The following PRDM10 variants were observed in gnomAD, a reference collection of about 807,000 sequenced individuals.
The protein encoded by PRDM10 is PR/SET domain 10.
In PRDM10, 65 loss-of-function variants were observed where a neutral mutation model predicts 133.1. The observed-to-expected ratio is 0.49, with a 90% CI of 0.40 to 0.60. The LOEUF (loss-of-function observed/expected upper bound fraction) is 0.60, where lower values mean the gene tolerates loss of function less well. Among genes scored for constraint, PRDM10 ranks in the 20% least tolerant of loss-of-function variants. The pLI, the probability that PRDM10 is intolerant of heterozygous loss-of-function variation, is 0.00. For missense variants in PRDM10, 1,137 were observed against 1,507.1 expected, an observed-to-expected ratio of 0.75 and a Z score of 4.07; for synonymous variants, 582 against 580.4, an observed-to-expected ratio of 1.00 and a Z score of -0.04.
intron 1 of PRDM10, among the ~76,000 whole-genome samples, chr11:129,973,977 C>T (rs1037104372): frequency 3.3e-5 from 5 of 152,230 alleles, no homozygotes; most frequent in South Asian, 2.1e-4. Flanking sequence ...ATTCCCAGCG[C>T]GCTCAGCAGT....
chr11:129,930,026 G>A (rs1591615510), intron 11 of PRDM10, among the ~76,000 whole-genome samples: 1 of 152,186 alleles, frequency 6.6e-6, no homozygotes, highest in Non-Finnish European at 1.5e-5. Context: ...TTTAGCCTCA[G>A]TTCTTAGAGC....
chr11:129,955,450 GC>G, intron 4 of PRDM10, 61 bp downstream of exon 4: 1 of 1,502,450 alleles, frequency 6.7e-7, no homozygotes, highest in Non-Finnish European at 9.3e-7. Context: ...AAGGGATGGG[GC>G]ATTCCAGGCG....
chr11:129,908,453 C>G (rs1014927557), intron 19 of PRDM10, among the ~76,000 whole-genome samples: 3 of 152,182 alleles, frequency 2.0e-5, no homozygotes, highest in Non-Finnish European at 4.4e-5. Context: ...CCCTGGACGA[C>G]AGAGCAAAAC....
At chr11:129,970,737 G>T (rs1218585341) in intron 1 of PRDM10, among the ~76,000 whole-genome samples, 3 of 151,898 alleles carry the variant, frequency 2.0e-5, no homozygotes, top group African/African-American at 7.3e-5. Flanking sequence ...GTAGAGACGG[G>T]GTTTCACGAT....
At chr11:129,976,414 A>T (rs985772543) in intron 1 of PRDM10, among the ~76,000 whole-genome samples, 10 of 152,216 alleles carry the variant, frequency 6.6e-5, no homozygotes, top group Middle Eastern at 3.2e-3. Flanking sequence ...AGGACAGCCA[A>T]CATGCACTGA....
At chr11:129,971,128 G>T (rs1336900912) in intron 1 of PRDM10, among the ~76,000 whole-genome samples, 1 of 152,174 alleles carries the variant, frequency 6.6e-6, no homozygotes, top group East Asian at 1.9e-4. Flanking sequence ...GTTCAGGAGT[G>T]AAGCTGCAAA....
intron 11 of PRDM10, among the ~76,000 whole-genome samples, chr11:129,927,483 T>C (rs1354126203): frequency 4.6e-5 from 7 of 152,080 alleles, no homozygotes; most frequent in African/African-American, 1.4e-4. Flanking sequence ...ACAATGCACA[T>C]TGACTGTGGT....
intron 11 of PRDM10, among the ~76,000 whole-genome samples, chr11:129,926,115 G>A (rs991779961): frequency 6.6e-6 from 1 of 152,176 alleles, no homozygotes; most frequent in African/African-American, 2.4e-5. Flanking sequence ...GCCTCGACCA[G>A]GCAATTCTGC....
chr11:129,926,819 A>G (rs1196551493), intron 11 of PRDM10, among the ~76,000 whole-genome samples: 1 of 152,246 alleles, frequency 6.6e-6, no homozygotes, highest in Non-Finnish European at 1.5e-5. Context: ...AGTCTTCAAA[A>G]GTAGTTTGAG....
intron 1 of PRDM10, among the ~76,000 whole-genome samples, chr11:129,988,682 T>G (rs555652769): frequency 6.6e-6 from 1 of 151,534 alleles, no homozygotes; most frequent in South Asian, 2.1e-4. Flanking sequence ...TGGGCTGGAG[T>G]GCAGTGGTGC....
chr11:129,957,655 A>G (rs1332377863), intron 3 of PRDM10, 91 bp downstream of exon 3: 10 of 1,466,726 alleles, frequency 6.8e-6, no homozygotes, highest in Middle Eastern at 3.6e-4. Context: ...CTGCATCACC[A>G]GTACCTAGCA....
rs4937473 is a variant in PRDM10 at position 129,973,400 on chromosome 11, A to C, written c.-118-12318T>G. ...ATGAGGTAAGAGGCACCAAGGTAGA[A>C]CCTTCCCAGCAAGAACTGGCACAAG... On this transcript the variant is annotated intron_variant, in intron 1 of 20. Transcript: ENST00000360871. Among the ~76,000 whole-genome samples the C allele has an allele frequency of 0.023, 3,495 of 152,318 alleles. 413 individuals carry two copies. In the East Asian group the frequency reaches 0.36, roughly 16 times the overall value.
chr11:129,925,368 G>T, intron 11 of PRDM10, 139 bp from the exon 12 acceptor site: 1 of 794,490 alleles, frequency 1.3e-6, no homozygotes, highest in Non-Finnish European at 1.9e-6. Context: ...ACACACAGTT[G>T]AAAGGAGATT....
chr11:129,985,055 G>A (rs1188589688), intron 1 of PRDM10, among the ~76,000 whole-genome samples: 1 of 152,196 alleles, frequency 6.6e-6, no homozygotes, highest in African/African-American at 2.4e-5. Context: ...GCCGCTGCAG[G>A]AGCATCACCT....
chr11:129,954,084 A>G (rs1951647854), intron 4 of PRDM10, among the ~76,000 whole-genome samples: 1 of 150,714 alleles, frequency 6.6e-6, no homozygotes, highest in Non-Finnish European at 1.5e-5. Context: ...ACTGCCAGTC[A>G]TGAATGAATT....
chr11:130,000,872 T>G (rs560629771), intron 1 of PRDM10, among the ~76,000 whole-genome samples: 3 of 152,314 alleles, frequency 2.0e-5, no homozygotes, highest in Non-Finnish European at 4.4e-5. Flanking sequence ...TTAGGGATGC[T>G]GCGGCGGTAG....
At position 129,930,996 on chromosome 11, in the gene PRDM10, C is replaced by T. The variant is rs376656215; in HGVS notation, c.1530+20G>A. 1.9e-6 allele frequency: 3 copies of T among 1,579,926 alleles called. No homozygotes were observed. The highest frequency in any genetic ancestry group is 2.3e-5 in the East Asian group (1 of 44,280). ...AAGATGAGCGGCTGGTGCCAGGAGCCGCCGGCTTTCCCCACTTACTCGGAT... is the reference window on the plus strand; with the variant it reads ...AAGATGAGCGGCTGGTGCCAGGAGCTGCCGGCTTTCCCCACTTACTCGGAT... On this transcript the variant is annotated intron_variant, in intron 11 of 20. Transcript: ENST00000360871.
At position 129,914,828 on chromosome 11, in the gene PRDM10, A is replaced by T; in HGVS notation, c.2717T>A (p.Leu906Ter). The T allele has an allele frequency of 6.2e-7, 1 of 1,614,140 alleles. No individual in the cohort carries two copies. Among genetic ancestry groups the T allele is most frequent in the Non-Finnish European group, 8.5e-7 (1 of 1,180,038 alleles). The change falls in exon 17 of 21, where the codon TTA becomes TAA. Residue 906 changes from leucine to a stop codon, truncating the protein, a stop_gained. Transcript: ENST00000360871. LOFTEE classifies it high-confidence loss of function. ...TQAMTELSQT[L>*]TTDYRTPQGD... ...TTGTGGCGTTCGGTAGTCTGTCGTT[A>T]AGGTCTGGGACAGTTCTGTCATTGC...
intron 1 of PRDM10, among the ~76,000 whole-genome samples, chr11:129,990,247 G>A (rs1228985334): frequency 6.6e-6 from 1 of 152,116 alleles, no homozygotes; most frequent in Non-Finnish European, 1.5e-5. Flanking sequence ...TCGGGAGGCT[G>A]AGGCAGGAGA....
Sources: allele counts gnomAD v4.1 joint callset (sites outside exome capture counted in the v4.1 genomes callset), GRCh38; gene constraint gnomAD v4.1.1; transcripts MANE v1.5; gene names NCBI Gene and HGNC (gene_info 2026-07-23, HGNC 2026-07-21).